PCSK5: variants seen among roughly 807,000 people sequenced by gnomAD.
PCSK5 encodes the protein proprotein convertase subtilisin/kexin type 5, also known as prohormone convertase 5.
Under a neutral mutation model 233.2 loss-of-function variants are expected in PCSK5, and 129 were observed. The ratio of observed to expected loss-of-function variants is 0.55; its 90% CI spans 0.48 to 0.64. The LOEUF is 0.64. Among genes scored for constraint, PCSK5 ranks in the 30% least tolerant of loss-of-function variants. The pLI is 0.00. For synonymous variants in PCSK5, 825 were observed against 879.2 expected, an observed-to-expected ratio of 0.94 and a Z score of 1.09; for missense variants, 2,076 against 2,430.1, an observed-to-expected ratio of 0.85 and a Z score of 3.06.
chr9:76,068,636 T>G (rs1424628503), intron 6 of PCSK5, among the ~76,000 whole-genome samples: 3 of 152,210 alleles, frequency 2.0e-5, no homozygotes, highest in African/African-American at 7.2e-5. Context: ...ACACTTACTA[T>G]AAGGACCCAG....
chr9:76,117,104 A>G (rs1468607472), intron 9 of PCSK5, among the ~76,000 whole-genome samples: 1 of 151,988 alleles, frequency 6.6e-6, no homozygotes, highest in African/African-American at 2.4e-5. Context: ...ACATTTCTGA[A>G]CCTGTAATAC....
At chr9:76,192,434 A>AT (rs937939628) in intron 20 of PCSK5, among the ~76,000 whole-genome samples, 2 of 152,140 alleles carry the variant, frequency 1.3e-5, no homozygotes, top group Non-Finnish European at 2.9e-5. Flanking sequence ...TAAGACATAT[A>AT]TTTTTTACAT....
chr9:76,339,731 G>A (rs749751443), intron 35 of PCSK5, among the ~76,000 whole-genome samples: 6 of 151,986 alleles, frequency 3.9e-5, no homozygotes, highest in Non-Finnish European at 7.4e-5. Context: ...TTTTAGTAGA[G>A]GCAGGGTTTC....
rs1229337895 is a variant in PCSK5 at position 76,239,142 on chromosome 9, G to A, written c.3050G>A (p.Cys1017Tyr). 3 of 1,589,424 alleles carry A rather than the reference G, an allele frequency of 1.9e-6. No individual in the cohort carries two copies. Among genetic ancestry groups the A allele is most frequent in the South Asian group, 2.3e-5 (2 of 87,442 alleles). Residue 1017 changes from cysteine (C) to tyrosine (Y), a missense_variant, in exon 23 of 38, where the codon TGC becomes TAC. Around this residue, in one of 6 missense-constraint regions of PCSK5, gnomAD observed 1,510 missense variants for 1,538.1 expected, o/e 0.98. Transcript: ENST00000674117. ...TTCATAGCGCCCACCAACCACACAT[G>A]CCAGAAGTTAGAGTGTGGACAAGGT... Reference protein sequence around the residue: ...GYFIAPTNHTCQKLECGQGEV... With the variant: ...GYFIAPTNHTYQKLECGQGEV...
intron 1 of PCSK5, among the ~76,000 whole-genome samples, chr9:75,926,083 C>G (rs1476962002): frequency 6.6e-6 from 1 of 152,144 alleles, no homozygotes; most frequent in South Asian, 2.1e-4. Context: ...GGACACATTC[C>G]AGCTCCACAT....
chr9:75,939,261 T>C (rs1161338007), intron 2 of PCSK5, among the ~76,000 whole-genome samples: 1 of 152,216 alleles, frequency 6.6e-6, no homozygotes, highest in Non-Finnish European at 1.5e-5. Flanking sequence ...ACTTCTAACA[T>C]AGAAGCACTA....
chr9:76,131,468 C>A (rs1025700314), intron 9 of PCSK5, among the ~76,000 whole-genome samples: 3 of 152,080 alleles, frequency 2.0e-5, no homozygotes, highest in African/African-American at 7.2e-5. Context: ...GTAAAACCAT[C>A]CAAACACCTT....
rs57319222 is a variant in PCSK5, at chr9:76,340,639, C to CAAAAA, written c.4966+2208_4966+2212dup. ...CAGCGTGGCAACAGAACGAGACTGT[C>CAAAAA]AAAAAAAAAAAAAAAAAAAACTTCA... is the stretch of plus-strand genomic sequence containing the variant. On this transcript the variant is annotated intron_variant, in intron 35 of 37. Transcript: ENST00000674117. Among the ~76,000 whole-genome samples, 137 of 95,242 alleles carry CAAAAA rather than the reference C, an allele frequency of 1.4e-3. 3 individuals carry two copies. The highest frequency in any genetic ancestry group is 2.7e-3 in the South Asian group (7 of 2,584). The allele number at this position is 95,242 out of a possible 152,430, so 62.5% of individuals were successfully genotyped here. A position where few individuals can be genotyped will look rare whatever the true frequency, so the allele number is the denominator to read the frequency against.
intron 3 of PCSK5, among the ~76,000 whole-genome samples, chr9:76,021,747 C>T (rs892519218): frequency 1.3e-5 from 2 of 152,050 alleles, no homozygotes; most frequent in African/African-American, 2.4e-5. Context: ...AAATTTATTT[C>T]GGAGGCATTG....
At chr9:76,275,842 G>T (rs778307245) in intron 24 of PCSK5, among the ~76,000 whole-genome samples, 19 of 152,102 alleles carry the variant, frequency 1.2e-4, no homozygotes, top group African/African-American at 4.3e-4. Context: ...TCTATCATTC[G>T]CCACACTGTG....
intron 2 of PCSK5, among the ~76,000 whole-genome samples, chr9:75,939,216 T>G (rs1291386186): frequency 6.6e-6 from 1 of 152,198 alleles, no homozygotes; most frequent in African/African-American, 2.4e-5. Context: ...TAACATTATG[T>G]TATGATTAAC....
At chr9:76,111,530 G>T (rs549339863) in intron 9 of PCSK5, among the ~76,000 whole-genome samples, 10 of 152,134 alleles carry the variant, frequency 6.6e-5, no homozygotes, top group African/African-American at 2.4e-4. Context: ...TTGTGATGTG[G>T]TACCCTCAGA....
In PCSK5 at chr9:76,030,616, C is replaced by CT. The variant is rs970516731; in HGVS notation, c.632+3584dup. On this transcript the variant is annotated intron_variant, in intron 5 of 37. Transcript: ENST00000674117. ...CTATAACCAAAAGAAAGTTAAAAAC[C>CT]TTTTTATATTCAACAATGTTTCCTG... 2.0e-5 allele frequency among the ~76,000 whole-genome samples: 3 copies of CT among 152,028 alleles called. No homozygotes were observed. In the South Asian group the frequency reaches 6.3e-4, roughly 32 times the overall value.
intron 24 of PCSK5, among the ~76,000 whole-genome samples, chr9:76,249,005 C>G (rs928909846): frequency 2.0e-5 from 3 of 152,200 alleles, no homozygotes; most frequent in African/African-American, 7.2e-5. Context: ...TCAAGCAGTC[C>G]TCCCACCTTG....
Position 76,240,652 on chromosome 9 carries a change from C to T in PCSK5, c.3110C>T (p.Pro1037Leu), listed in dbSNP as rs774651462. Residue 1037 changes from proline (P) to leucine (L), a missense_variant, in exon 24 of 38, where the codon CCT (proline) becomes CTT (leucine). Around this residue, in one of 6 missense-constraint regions of PCSK5, gnomAD observed 1,510 missense variants for 1,538.1 expected, o/e 0.98. Coordinates refer to ENST00000674117, the MANE Select transcript of PCSK5 (RefSeq NM_001372043.1). ...VQDPDYEECV[P>L]CEEGCLGCSL... ...GACCCAGACTATGAAGAATGTGTCCCTTGTGAAGAAGGATGTCTGGGATGC... is the reference window on the plus strand; with the variant it reads ...GACCCAGACTATGAAGAATGTGTCCTTTGTGAAGAAGGATGTCTGGGATGC... The T allele has an allele frequency of 3.2e-6, 5 of 1,582,210 alleles. No homozygotes were observed. The highest frequency in any genetic ancestry group is 4.3e-6 in the Non-Finnish European group (5 of 1,162,596).
intron 22 of PCSK5, among the ~76,000 whole-genome samples, chr9:76,235,972 A>G (rs1349012511): frequency 1.3e-5 from 2 of 152,242 alleles, no homozygotes; most frequent in East Asian, 3.8e-4. Flanking sequence ...ATCAACCTTC[A>G]TAAGCCCCTC....
intron 9 of PCSK5, among the ~76,000 whole-genome samples, chr9:76,125,701 A>G (rs868426667): frequency 5.5e-4 from 84 of 152,318 alleles, no homozygotes; most frequent in Middle Eastern, 3.4e-3. Context: ...AGAGGGTTGT[A>G]CAAGAAAAAA....
chr9:76,182,084 G>A (rs770592681), intron 16 of PCSK5, among the ~76,000 whole-genome samples: 15 of 152,102 alleles, frequency 9.9e-5, no homozygotes, highest in Non-Finnish European at 2.2e-4. Flanking sequence ...GAAAATAGGT[G>A]TTCACCATAA....
chr9:75,949,968 G>A (rs1316351400), intron 2 of PCSK5, among the ~76,000 whole-genome samples: 4 of 152,104 alleles, frequency 2.6e-5, no homozygotes, highest in African/African-American at 4.8e-5. Flanking sequence ...TGGTTTTCCC[G>A]TTTATAACAG....
Sources: allele counts gnomAD v4.1 joint callset (sites outside exome capture counted in the v4.1 genomes callset), GRCh38; gene constraint gnomAD v4.1.1; regional missense constraint gnomAD v4.1.1; transcripts MANE v1.5; gene names NCBI Gene and HGNC (gene_info 2026-07-23, HGNC 2026-07-21).